Variants in XIRP2 observed in about 807,000 individuals in gnomAD.
XIRP2 encodes xin actin-binding repeat-containing protein 2.
XIRP2 carries 236 observed loss-of-function variants against 277.0 expected under a neutral mutation model. That is an observed-to-expected ratio of 0.85 (90% CI 0.77 to 0.95). XIRP2 has a LOEUF of 0.95. Among genes scored for constraint, XIRP2 ranks in the 40% least tolerant of loss-of-function variants. The pLI is 0.00. For synonymous variants in XIRP2, 1,490 were observed against 1,416.5 expected, an observed-to-expected ratio of 1.05 and a Z score of -1.17; for missense variants, 4,640 against 4,157.5, an observed-to-expected ratio of 1.12 and a Z score of -3.19.
At chr2:166,973,676 C>A (rs78855755) in intron 2 of XIRP2, among the ~76,000 whole-genome samples, 2 of 152,154 alleles carry the variant, frequency 1.3e-5, no homozygotes, top group Non-Finnish European at 2.9e-5. Context: ...CTCAGTCCCC[C>A]ACCTTAACCT....
intron 4 of XIRP2, among the ~76,000 whole-genome samples, chr2:167,211,341 C>T (rs548408377): frequency 5.7e-4 from 86 of 152,182 alleles, no homozygotes; most frequent in Non-Finnish European, 1.2e-3. Flanking sequence ...GTGATCCGCC[C>T]GCATCAGCCT....
chr2:167,060,222 G>A (rs1689144124), intron 2 of XIRP2, among the ~76,000 whole-genome samples: 1 of 152,102 alleles, frequency 6.6e-6, no homozygotes, highest in African/African-American at 2.4e-5. Context: ...AGAAATTTAT[G>A]TAACCCTTTA....
chr2:167,233,830 G>A (rs1355402108), intron 5 of XIRP2, among the ~76,000 whole-genome samples: 4 of 151,424 alleles, frequency 2.6e-5, no homozygotes, highest in African/African-American at 7.3e-5. Context: ...GATTATTTGT[G>A]TCTATGTTGG....
chr2:167,253,229 A>G (rs1198629071), intron 9 of XIRP2, among the ~76,000 whole-genome samples: 1 of 151,924 alleles, frequency 6.6e-6, no homozygotes, highest in East Asian at 1.9e-4. Context: ...GTTTTAAACC[A>G]CTATACAAAC....
Position 167,250,540 on chromosome 2 carries a change from G to A in XIRP2, c.9148G>A (p.Asp3050Asn). 6.2e-7 allele frequency: 1 copy of A among 1,613,546 alleles called. No individual in the cohort carries two copies. Among genetic ancestry groups the A allele is most frequent in the South Asian group, 1.1e-5 (1 of 91,072 alleles). ...ACCGGGAAATAAACCCACTAGTCTT[G>A]ATGAAACATCATCCAAAGTATCTAA... is the stretch of plus-strand genomic sequence containing the variant. ...GKPGNKPTSL[D>N]ETSSKVSNVH... The change falls in exon 9 of 11, where the codon GAT becomes AAT. Residue 3050 changes from aspartate to asparagine, a missense_variant. Coordinates refer to ENST00000409195, the MANE Select transcript of XIRP2 (RefSeq NM_152381.6).
intron 3 of XIRP2, among the ~76,000 whole-genome samples, chr2:167,191,372 C>T (rs375050006): frequency 6.6e-6 from 1 of 152,108 alleles, no homozygotes; most frequent in Admixed American, 6.6e-5. Context: ...TAGAAACTAA[C>T]TGTCTTGATT....
At chr2:166,935,592 G>A (rs1177295828) in intron 2 of XIRP2, among the ~76,000 whole-genome samples, 2 of 152,164 alleles carry the variant, frequency 1.3e-5, no homozygotes, top group African/African-American at 2.4e-5. Flanking sequence ...GCCCTGGTGT[G>A]TGATGTTCCC....
intron 1 of XIRP2, among the ~76,000 whole-genome samples, chr2:166,901,717 A>T (rs1160147805): frequency 1.3e-5 from 2 of 152,022 alleles, no homozygotes; most frequent in Admixed American, 1.3e-4. Flanking sequence ...TAAATTCTCA[A>T]CATATGCTGA....
chr2:166,984,882 G>C (rs1686961773), intron 2 of XIRP2, among the ~76,000 whole-genome samples: 1 of 152,156 alleles, frequency 6.6e-6, no homozygotes. Context: ...TGAGCTTTTG[G>C]CTTTATAAGA....
chr2:167,076,586 T>C lies in XIRP2; in HGVS notation c.409-59323T>C, dbSNP rs367615754. On this transcript the variant is annotated intron_variant, in intron 2 of 10. Coordinates refer to ENST00000409195, the MANE Select transcript of XIRP2 (RefSeq NM_152381.6). Reference sequence around the variant, plus strand: ...AGGAGGTCCATATATTCTTCCTTAATTACAGTTATAAGCTTTAGAGACATT... The same window carrying C: ...AGGAGGTCCATATATTCTTCCTTAACTACAGTTATAAGCTTTAGAGACATT... Among the ~76,000 whole-genome samples the C allele has an allele frequency of 2.7e-4, 41 of 152,324 alleles. 1 individual carries two copies. The South Asian group carries it at 8.5e-3, about 32-fold the overall frequency.
intron 3 of XIRP2, among the ~76,000 whole-genome samples, chr2:167,183,315 A>G (rs1208278612): frequency 1.3e-5 from 2 of 152,232 alleles, no homozygotes; most frequent in Admixed American, 1.3e-4. Flanking sequence ...ATGAACAAAC[A>G]TGAGAGAATG....
intron 2 of XIRP2, among the ~76,000 whole-genome samples, chr2:166,998,974 T>C (rs931781018): frequency 2.6e-5 from 4 of 152,210 alleles, no homozygotes; most frequent in African/African-American, 9.6e-5. Flanking sequence ...AATTAAATCC[T>C]AGAAAATGAA....
intron 3 of XIRP2, among the ~76,000 whole-genome samples, chr2:167,172,610 A>C (rs1692729604): frequency 6.6e-6 from 1 of 152,162 alleles, no homozygotes; most frequent in South Asian, 2.1e-4. Flanking sequence ...TTCCTTGCTG[A>C]GAAAAAGAAT....
At chr2:166,934,021 G>A (rs1685421411) in intron 2 of XIRP2, among the ~76,000 whole-genome samples, 1 of 151,982 alleles carries the variant, frequency 6.6e-6, no homozygotes, top group Non-Finnish European at 1.5e-5. Flanking sequence ...TTACAGGAGT[G>A]TGAGGATAGA....
intron 2 of XIRP2, among the ~76,000 whole-genome samples, chr2:166,934,492 C>T (rs756632265): frequency 1.3e-5 from 2 of 152,166 alleles, no homozygotes. Flanking sequence ...TATTGAGACC[C>T]TGAAGCAGAG....
chr2:167,089,002 A>G (rs561586006), intron 2 of XIRP2, among the ~76,000 whole-genome samples: 2 of 152,294 alleles, frequency 1.3e-5, no homozygotes, highest in African/African-American at 2.4e-5. Flanking sequence ...TTAGCACTCA[A>G]CAAATGTTTG....
At chr2:167,081,334 C>A (rs373906494) in intron 2 of XIRP2, among the ~76,000 whole-genome samples, 47 of 152,172 alleles carry the variant, frequency 3.1e-4, no homozygotes, top group African/African-American at 1.0e-3. Flanking sequence ...CTTAGTTGGG[C>A]CTGTAGTCTG....
In XIRP2 at chr2:167,187,839, G is replaced by GA. The variant is rs35003584; in HGVS notation, c.563-22889dup. On this transcript the variant is annotated intron_variant, in intron 3 of 10. Transcript: ENST00000409195. ...ACTTACAAATAAGAGGGAAAGCACA[G>GA]AAAAAAATTAGTTTGTCATTTATGA... Among the ~76,000 whole-genome samples the GA allele has an allele frequency of 4.0e-3, 615 of 152,148 alleles. 3 individuals are homozygous for GA. The highest frequency in any genetic ancestry group is 0.017 in the Middle Eastern group (5 of 294).
At chr2:167,088,750 T>G (rs1005291099) in intron 2 of XIRP2, among the ~76,000 whole-genome samples, 1 of 152,120 alleles carries the variant, frequency 6.6e-6, no homozygotes, top group African/African-American at 2.4e-5. Context: ...TCAAACACAT[T>G]TTCCTTTCTG....
Sources: allele counts gnomAD v4.1 joint callset (sites outside exome capture counted in the v4.1 genomes callset), GRCh38; gene constraint gnomAD v4.1.1; transcripts MANE v1.5; gene names NCBI Gene and HGNC (gene_info 2026-07-23, HGNC 2026-07-21).